The following NTN1 variants were observed in gnomAD, a reference collection of about 807,000 sequenced individuals.
NTN1 encodes the protein netrin-1.
Under a neutral mutation model 54.2 loss-of-function variants are expected in NTN1, and 11 were observed. The ratio of observed to expected loss-of-function variants is 0.20; its 90% confidence interval spans 0.13 to 0.34. NTN1 has a LOEUF of 0.34. Ranked by LOEUF, NTN1 falls within the 10% of genes least tolerant of loss-of-function variation. The pLI is 1.00. For synonymous variants in NTN1, 371 were observed against 382.0 expected (o/e 0.97, Z 0.33); for missense variants, 740 against 893.1 (o/e 0.83, Z 2.18).
intron 5 of NTN1, among the ~76,000 whole-genome samples, chr17:9,195,220 C>T (rs1904597990): frequency 6.6e-6 from 1 of 151,394 alleles, no homozygotes; most frequent in Non-Finnish European, 1.5e-5. Flanking sequence ...CACCCTGGGC[C>T]TCCATCACCC....
chr17:9,131,001 A>T (rs1258405455), intron 2 of NTN1, among the ~76,000 whole-genome samples: 1 of 152,000 alleles, frequency 6.6e-6, no homozygotes, highest in Non-Finnish European at 1.5e-5. Flanking sequence ...CCTCGTCTGC[A>T]CTTTCCCTAA....
chr17:9,060,974 C>CAAAA (rs10689277), intron 2 of NTN1, among the ~76,000 whole-genome samples: 83,196 of 108,452 alleles, frequency 0.77, 32,973 homozygotes, highest in East Asian at 0.96. Context: ...GACTCTGTCT[C>CAAAA]AAAAAAAAAA....
At chr17:9,236,134 G>A (rs375057891) in intron 6 of NTN1, among the ~76,000 whole-genome samples, 4 of 147,856 alleles carry the variant, frequency 2.7e-5, no homozygotes, top group African/African-American at 1.0e-4. Context: ...TGGGGGGGGG[G>A]GTACTAACAT....
At chr17:9,158,021 G>A (rs775801853) in intron 2 of NTN1, among the ~76,000 whole-genome samples, 18 of 152,188 alleles carry the variant, frequency 1.2e-4, no homozygotes, top group Non-Finnish European at 2.1e-4. Flanking sequence ...ATCCAGATGT[G>A]AGCTGCTTTG....
rs79498795 is a variant in NTN1 at position 9,045,246 on chromosome 17, T to C, written c.1018+21855T>C. Among the ~76,000 whole-genome samples the C allele has an allele frequency of 4.8e-4, 73 of 152,352 alleles. 1 individual carries two copies. In the East Asian group the frequency reaches 0.012, roughly 25 times the overall value. On this transcript the variant is annotated intron_variant, in intron 2 of 6. Coordinates refer to ENST00000173229, the MANE Select transcript of NTN1 (RefSeq NM_004822.3). ...TCCCGTCTGTACATGAGCATCTGCC[T>C]CATTGCCTTTTGGCCTGGCAAAGGG...
chr17:9,038,003 C>G (rs572578627), intron 2 of NTN1, among the ~76,000 whole-genome samples: 7 of 152,234 alleles, frequency 4.6e-5, no homozygotes, highest in Admixed American at 6.5e-5. Flanking sequence ...TCAGTCTGTT[C>G]CAGCTCCCAG....
rs1555576114 is a variant in NTN1, at chr17:9,204,193, C to CCTTCCTTCCTTCCTTCCT, written c.1412-16975_1412-16974insCTTCCTTCCTTCCTTCCT. Among the ~76,000 whole-genome samples, 172 of 147,154 alleles carry CCTTCCTTCCTTCCTTCCT rather than the reference C, an allele frequency of 1.2e-3. 1 individual carries two copies. Among genetic ancestry groups the CCTTCCTTCCTTCCTTCCT allele is most frequent in the East Asian group, 3.8e-3 (19 of 4,948 alleles). ...TAGTAACCGTTCCTTCCTTCCTTCC[C>CCTTCCTTCCTTCCTTCCT]TCCTTCCTTCCTTCCTTCCTTCCTT... On this transcript the variant is annotated intron_variant, in intron 5 of 6. Transcript: ENST00000173229.
At position 9,239,719 on chromosome 17, in the gene NTN1, G is replaced by T; in HGVS notation, c.1566G>T (p.Lys522Asn). Residue 522 changes from lysine to asparagine, a missense_variant, in exon 7 of 7, where the codon AAG (lysine) becomes AAT (asparagine). Transcript: ENST00000173229. This position sits in a 1 kb window ranked among gnomAD's most constrained non-coding sequence, Gnocchi z 5.2. ...CGGTGAACATCATCTCCGTGTATAA[G>T]CAGGGCACGAGCCGCATCCGCCGCG... ...KFTVNIISVY[K>N]QGTSRIRRGD... The T allele has an allele frequency of 6.2e-7, 1 of 1,613,362 alleles. No individual in the cohort carries two copies. The highest frequency in any genetic ancestry group is 8.5e-7 in the Non-Finnish European group (1 of 1,179,926).
intron 2 of NTN1, among the ~76,000 whole-genome samples, chr17:9,133,754 A>ATTTTTT (rs57053201): frequency 1.9e-5 from 2 of 104,558 alleles, no homozygotes; most frequent in Non-Finnish European, 1.8e-5. Context: ...TGCCCAGCTA[A>ATTTTTT]TTTTTTTTTT....
At chr17:9,028,281 G>A (rs1047726413) in intron 2 of NTN1, among the ~76,000 whole-genome samples, 4 of 152,192 alleles carry the variant, frequency 2.6e-5, no homozygotes, top group Non-Finnish European at 5.9e-5. Context: ...GTGTGGTGCC[G>A]CTAGGTACAG....
chr17:9,159,139 G>A (rs1196748695), intron 2 of NTN1, among the ~76,000 whole-genome samples: 1 of 152,118 alleles, frequency 6.6e-6, no homozygotes, highest in Non-Finnish European at 1.5e-5. Context: ...AGCTTATATG[G>A]CAGAAAAGAC....
chr17:9,222,884 G>T (rs949086084), intron 6 of NTN1, among the ~76,000 whole-genome samples: 1 of 147,756 alleles, frequency 6.8e-6, no homozygotes, highest in Non-Finnish European at 1.5e-5. Context: ...CTCGTTTATT[G>T]TGTGTGTGTG....
At chr17:9,218,917 A>G (rs1470658323) in intron 5 of NTN1, among the ~76,000 whole-genome samples, 5 of 50,464 alleles carry the variant, frequency 9.9e-5, no homozygotes, top group Non-Finnish European at 2.0e-4. Flanking sequence ...GCTTTTGTGA[A>G]AAAAAAAAAA....
At chr17:9,034,853 A>G (rs2091898470) in intron 2 of NTN1, among the ~76,000 whole-genome samples, 1 of 152,208 alleles carries the variant, frequency 6.6e-6, no homozygotes, top group Non-Finnish European at 1.5e-5. Context: ...CATCAAGAAC[A>G]TACCAGCAAC....
chr17:9,117,708 C>T (rs1416051784), intron 2 of NTN1, among the ~76,000 whole-genome samples: 2 of 149,990 alleles, frequency 1.3e-5, no homozygotes, highest in Non-Finnish European at 3.0e-5. Flanking sequence ...TGTGCCATTG[C>T]ACTCCAGCCT....
At chr17:9,215,884 G>T (rs1173682615) in intron 5 of NTN1, among the ~76,000 whole-genome samples, 3 of 152,160 alleles carry the variant, frequency 2.0e-5, no homozygotes, top group Non-Finnish European at 4.4e-5. Context: ...AATTTTGTAA[G>T]AGTTTCTCCA....
chr17:9,022,371 A>T lies in NTN1; in HGVS notation c.-3A>T. 1 of 1,307,740 alleles carries T rather than the reference A, an allele frequency of 7.6e-7. No homozygotes were observed. The highest frequency in any genetic ancestry group is 9.6e-7 in the Non-Finnish European group (1 of 1,036,876). The allele number at this position is 1,307,740 out of a possible 1,614,324, so 81.0% of individuals were successfully genotyped here. A position where few individuals can be genotyped will look rare whatever the true frequency, so the allele number is the denominator to read the frequency against. ...GGCAGGGCCGGGGCAAGCTGGACGC[A>T]GCATGATGCGCGCAGTGTGGGAGGC... is the stretch of plus-strand genomic sequence containing the variant. On this transcript the variant is annotated 5_prime_UTR_variant, in exon 2 of 7. Transcript: ENST00000173229.
chr17:9,202,080 A>C (rs905324100), intron 5 of NTN1, among the ~76,000 whole-genome samples: 19 of 139,326 alleles, frequency 1.4e-4, no homozygotes, highest in Middle Eastern at 3.5e-3. Context: ...AAAAAAAAAA[A>C]AAAAAAAAAA....
upstream of NTN1, among the ~76,000 whole-genome samples, chr17:9,018,990 C>G (rs1194564367): frequency 6.6e-6 from 1 of 152,206 alleles, no homozygotes; most frequent in Non-Finnish European, 1.5e-5. Flanking sequence ...TTGTAATTCC[C>G]TTGAGCAGTA....
Sources: gnomAD v4.1 joint callset for allele counts (sites outside exome capture counted in the v4.1 genomes callset) on GRCh38, gnomAD v4.1.1 for gene constraint, Gnocchi (gnomAD v3.1) non-coding constraint, MANE v1.5 for transcripts, NCBI Gene and HGNC (gene_info 2026-07-23, HGNC 2026-07-21) for gene names.